PDE1C: variants seen among roughly 807,000 people sequenced by gnomAD.
PDE1C encodes dual specificity calcium/calmodulin-dependent 3',5'-cyclic nucleotide phosphodiesterase 1C.
PDE1C carries 62 observed loss-of-function variants against 93.1 expected under a neutral mutation model. The ratio of observed to expected loss-of-function variants is 0.67; its 90% CI spans 0.54 to 0.82. The LOEUF (loss-of-function observed/expected upper bound fraction) is 0.82, where lower values mean the gene tolerates loss of function less well. Among genes scored for constraint, PDE1C ranks in the 40% least tolerant of loss-of-function variants. PDE1C has a pLI of 0.00. For synonymous variants in PDE1C, 325 were observed against 310.1 expected (o/e 1.05, Z -0.50); for missense variants, 742 against 884.6 (o/e 0.84, Z 2.04).
At chr7:31,904,684 T>C (rs1451360145) in intron 2 of PDE1C, among the ~76,000 whole-genome samples, 1 of 152,202 alleles carries the variant, frequency 6.6e-6, no homozygotes, top group East Asian at 1.9e-4. Context: ...AAAGATCTTA[T>C]TAAAACTCCC....
intron 1 of PDE1C, among the ~76,000 whole-genome samples, chr7:32,267,561 T>TTCTC (rs763148981): frequency 0.043 from 5,571 of 129,672 alleles, 171 homozygotes; most frequent in Non-Finnish European, 0.061. Flanking sequence ...TGCAGCCTCT[T>TTCTC]TCTCTCTCTC....
chr7:32,424,065 A>T (rs1162795991), intron 1 of PDE1C, among the ~76,000 whole-genome samples: 1 of 152,194 alleles, frequency 6.6e-6, no homozygotes, highest in Non-Finnish European at 1.5e-5. Context: ...TTCTGAGGTA[A>T]CTTCTCATTG....
At chr7:31,721,824 C>G in the PDE1C span, among the ~76,000 whole-genome samples, 1 of 152,132 alleles carries the variant, frequency 6.6e-6, no homozygotes, top group Non-Finnish European at 1.5e-5. Flanking sequence ...GAAGGCTGAA[C>G]CTAAAGGGGC....
intron 1 of PDE1C, among the ~76,000 whole-genome samples, chr7:32,314,898 A>G: frequency 6.6e-6 from 1 of 151,818 alleles, no homozygotes; most frequent in Non-Finnish European, 1.5e-5. Context: ...ACTTTTTTCC[A>G]GCTTATTCAC....
chr7:31,663,352 G>C, the PDE1C span, among the ~76,000 whole-genome samples: 1 of 152,166 alleles, frequency 6.6e-6, no homozygotes, highest in African/African-American at 2.4e-5. Context: ...TTCGTTACCA[G>C]TACATGTCAG....
At chr7:32,361,029 G>A (rs1784128092) in intron 1 of PDE1C, among the ~76,000 whole-genome samples, 2 of 152,202 alleles carry the variant, frequency 1.3e-5, no homozygotes, top group South Asian at 4.1e-4. Flanking sequence ...CAGGCATGGA[G>A]GAAAGGGGAG....
At chr7:31,949,355 G>A (rs1480396225) in intron 2 of PDE1C, among the ~76,000 whole-genome samples, 1 of 152,128 alleles carries the variant, frequency 6.6e-6, no homozygotes, top group Non-Finnish European at 1.5e-5. Context: ...AGCTGCTCGG[G>A]AGGCTGAGGC....
chr7:31,703,144 C>T, the PDE1C span, among the ~76,000 whole-genome samples: 2 of 152,320 alleles, frequency 1.3e-5, no homozygotes, highest in East Asian at 3.9e-4. Flanking sequence ...AGTACATAAA[C>T]TACTTGGCAG....
chr7:31,761,274 C>T (rs1794820832), intron 17 of PDE1C, among the ~76,000 whole-genome samples: 3 of 152,074 alleles, frequency 2.0e-5, no homozygotes, highest in Non-Finnish European at 1.5e-5. Flanking sequence ...AGAGTCAAGT[C>T]AAAATTGTAT....
At chr7:31,743,570 TGTGC>T in the PDE1C span, among the ~76,000 whole-genome samples, 1 of 149,576 alleles carries the variant, frequency 6.7e-6, no homozygotes, top group African/African-American at 2.5e-5. Context: ...TGTGTGTGTG[TGTGC>T]GCACACACAC....
At chr7:32,088,833 G>A (rs967336819) in intron 3 of PDE1C, among the ~76,000 whole-genome samples, 1 of 152,222 alleles carries the variant, frequency 6.6e-6, no homozygotes, top group Non-Finnish European at 1.5e-5. Flanking sequence ...TGTGACTCAT[G>A]CTGTTCACCT....
At chr7:32,243,275 G>A (rs554571996) in intron 1 of PDE1C, among the ~76,000 whole-genome samples, 2 of 152,166 alleles carry the variant, frequency 1.3e-5, no homozygotes, top group South Asian at 2.1e-4. Flanking sequence ...CCATAACTAG[G>A]GGGTTTCAGT....
intron 16 of PDE1C, among the ~76,000 whole-genome samples, chr7:31,805,426 C>A (rs1365696950): frequency 6.6e-6 from 1 of 151,840 alleles, no homozygotes; most frequent in African/African-American, 2.4e-5. Context: ...TACTATTGTA[C>A]TCTTATATTC....
At chr7:32,388,654 G>A (rs1163893714) in intron 1 of PDE1C, among the ~76,000 whole-genome samples, 1 of 127,444 alleles carries the variant, frequency 7.8e-6, no homozygotes, top group Non-Finnish European at 1.6e-5. Context: ...ACTCCAGCCT[G>A]TGAGAAAGAA....
At chr7:32,070,222 G>T in intron 1 of PDE1C, 71 bp downstream of exon 1, 1 of 1,604,044 alleles carries the variant, frequency 6.2e-7, no homozygotes, top group South Asian at 1.1e-5. Flanking sequence ...GAGCAGTCGT[G>T]ACTGCGGCTG....
upstream of PDE1C, among the ~76,000 whole-genome samples, chr7:32,074,432 G>A (rs923745692): frequency 6.6e-6 from 1 of 152,140 alleles, no homozygotes; most frequent in Non-Finnish European, 1.5e-5. Flanking sequence ...GTTTAATTAT[G>A]CTCATTTACA....
At chr7:31,871,463 T>C (rs1795944166) in intron 6 of PDE1C, among the ~76,000 whole-genome samples, 1 of 152,012 alleles carries the variant, frequency 6.6e-6, no homozygotes, top group Non-Finnish European at 1.5e-5. Flanking sequence ...AAAATATTCA[T>C]CTGACAAGGG....
At chr7:32,228,608 G>T (rs1807464544) in intron 1 of PDE1C, among the ~76,000 whole-genome samples, 2 of 152,164 alleles carry the variant, frequency 1.3e-5, no homozygotes, top group South Asian at 4.1e-4. Context: ...TCCTCAGAAA[G>T]GGGCCTCAAA....
intron 5 of PDE1C, among the ~76,000 whole-genome samples, chr7:31,873,665 T>G (rs766801130): frequency 7.2e-5 from 11 of 152,220 alleles, no homozygotes; most frequent in Non-Finnish European, 1.6e-4. Context: ...GGCATTATGG[T>G]TGGTGATAAA....
Sources: allele counts gnomAD v4.1 joint callset (sites outside exome capture counted in the v4.1 genomes callset), GRCh38; gene constraint gnomAD v4.1.1; transcripts MANE v1.5; gene names NCBI Gene and HGNC (gene_info 2026-07-23, HGNC 2026-07-21).